The following TMEM132D variants were observed in gnomAD, a reference collection of about 807,000 sequenced individuals.
TMEM132D encodes transmembrane protein 132D.
A neutral mutation model predicts 62.3 loss-of-function variants in TMEM132D; 21 were observed. The observed-to-expected ratio is 0.34, with a 90% CI of 0.24 to 0.49. TMEM132D has a LOEUF of 0.49. Among genes scored for constraint, TMEM132D ranks in the 20% least tolerant of loss-of-function variants. The pLI, the probability that TMEM132D is intolerant of heterozygous loss-of-function variation, is 0.99. For missense variants in TMEM132D, 1,346 were observed against 1,402.8 expected, an observed-to-expected ratio of 0.96 and a Z score of 0.65; for synonymous variants, 621 against 575.6, an observed-to-expected ratio of 1.08 and a Z score of -1.13.
intron 1 of TMEM132D, among the ~76,000 whole-genome samples, chr12:129,888,492 G>T (rs1405250758): frequency 6.6e-6 from 1 of 152,178 alleles, no homozygotes; most frequent in Non-Finnish European, 1.5e-5. Flanking sequence ...GAGGTCAGGA[G>T]TTCAAGACCA....
At chr12:129,517,804 T>C (rs893922638) in intron 3 of TMEM132D, among the ~76,000 whole-genome samples, 9 of 152,192 alleles carry the variant, frequency 5.9e-5, no homozygotes, top group African/African-American at 1.9e-4. Context: ...GTGGCAGGCA[T>C]GGTTGAATAA....
chr12:129,376,623 C>T (rs927242289), intron 3 of TMEM132D, among the ~76,000 whole-genome samples: 1 of 152,158 alleles, frequency 6.6e-6, no homozygotes, highest in Non-Finnish European at 1.5e-5. Context: ...TATGTGATGA[C>T]TTAGAGACAG....
At chr12:129,497,278 G>A (rs1260376622) in intron 3 of TMEM132D, among the ~76,000 whole-genome samples, 4 of 152,134 alleles carry the variant, frequency 2.6e-5, no homozygotes, top group Non-Finnish European at 4.4e-5. Flanking sequence ...ACTGCATTCC[G>A]GCCTGGGCAA....
Position 129,103,591 on chromosome 12 carries a change from C to T in TMEM132D, c.1444-18889G>A, listed in dbSNP as rs183530213. Among the ~76,000 whole-genome samples the T allele has an allele frequency of 6.9e-4, 105 of 152,326 alleles. 1 individual carries two copies. The highest frequency in any genetic ancestry group is 1.2e-3 in the Non-Finnish European group (83 of 68,032). On this transcript the variant is annotated intron_variant, in intron 5 of 8. Transcript: ENST00000422113. Reference sequence around the variant, plus strand: ...TATGCATCAGGTTCCAGAGTGTCACCCAGGCCTCTGCTTTCCCTCCTGACC... The same window carrying T: ...TATGCATCAGGTTCCAGAGTGTCACTCAGGCCTCTGCTTTCCCTCCTGACC...
chr12:129,465,706 A>T (rs772724478), intron 3 of TMEM132D, among the ~76,000 whole-genome samples: 34 of 152,162 alleles, frequency 2.2e-4, no homozygotes, highest in Non-Finnish European at 4.7e-4. Context: ...ATTTTATGAG[A>T]CAGTCTTGCT....
At chr12:129,517,026 C>T (rs1433283792) in intron 3 of TMEM132D, among the ~76,000 whole-genome samples, 1 of 152,148 alleles carries the variant, frequency 6.6e-6, no homozygotes, top group Non-Finnish European at 1.5e-5. Context: ...TTACATGGGA[C>T]CCATCAGATT....
intron 2 of TMEM132D, among the ~76,000 whole-genome samples, chr12:129,546,455 AC>A (rs1422441671): frequency 3.9e-5 from 6 of 152,140 alleles, no homozygotes; most frequent in Non-Finnish European, 8.8e-5. Flanking sequence ...CCTAAGCTAC[AC>A]CTGCATTCTC....
At chr12:129,606,511 A>G (rs531523080) in intron 2 of TMEM132D, among the ~76,000 whole-genome samples, 2 of 152,150 alleles carry the variant, frequency 1.3e-5, no homozygotes, top group Non-Finnish European at 2.9e-5. Flanking sequence ...TAACGTAGCA[A>G]CGATAAGGCT....
At chr12:129,216,233 G>C (rs920739397) in intron 4 of TMEM132D, among the ~76,000 whole-genome samples, 1 of 152,208 alleles carries the variant, frequency 6.6e-6, no homozygotes, top group African/African-American at 2.4e-5. Flanking sequence ...AGAGTGTTTA[G>C]AACAGCACCT....
intron 3 of TMEM132D, among the ~76,000 whole-genome samples, chr12:129,356,654 C>CAAAAAATAAATA (rs34719078): frequency 0.04 from 4,648 of 115,934 alleles, 219 homozygotes; most frequent in Admixed American, 0.058. Flanking sequence ...CCTGTCTCTA[C>CAAAAAATAAATA]AATAAATAAA....
intron 5 of TMEM132D, among the ~76,000 whole-genome samples, chr12:129,198,268 A>G (rs1023606825): frequency 1.3e-5 from 2 of 152,220 alleles, no homozygotes; most frequent in Non-Finnish European, 2.9e-5. Context: ...GTTACTCGAA[A>G]AACTAAAATA....
chr12:129,624,754 T>A (rs542642938), intron 2 of TMEM132D, among the ~76,000 whole-genome samples: 2 of 151,764 alleles, frequency 1.3e-5, no homozygotes, highest in African/African-American at 4.8e-5. Flanking sequence ...CAGGGCAGAG[T>A]GAACCAGACA....
intron 1 of TMEM132D, among the ~76,000 whole-genome samples, chr12:129,838,922 GT>G (rs1382354048): frequency 6.7e-6 from 1 of 150,272 alleles, no homozygotes; most frequent in Admixed American, 6.6e-5. Context: ...TTGGAGGTCA[GT>G]TAAGAATAGG....
At chr12:129,890,935 A>G (rs796913980) in intron 1 of TMEM132D, among the ~76,000 whole-genome samples, 1 of 152,324 alleles carries the variant, frequency 6.6e-6, no homozygotes, top group African/African-American at 2.4e-5. Context: ...AGTTTCATGC[A>G]GGCATTAAGG....
At chr12:129,075,137 C>A in intron 8 of TMEM132D, 78 bp from the exon 9 acceptor site, 2 of 1,180,980 alleles carry the variant, frequency 1.7e-6, no homozygotes, top group East Asian at 2.4e-5. Flanking sequence ...AGTAGACACA[C>A]AACGGCAAAA....
intron 1 of TMEM132D, among the ~76,000 whole-genome samples, chr12:129,851,929 T>C (rs766698709): frequency 4.6e-5 from 7 of 152,234 alleles, no homozygotes; most frequent in Admixed American, 3.3e-4. Flanking sequence ...TGTAAAACCT[T>C]ATTTTGAATT....
intron 2 of TMEM132D, among the ~76,000 whole-genome samples, chr12:129,553,137 C>T (rs1216155321): frequency 2.6e-5 from 4 of 152,266 alleles, no homozygotes; most frequent in Admixed American, 1.3e-4. Flanking sequence ...GAGTGTTGCG[C>T]GTTTGCTCCC....
At chr12:129,698,937 C>T (rs962290185) in intron 2 of TMEM132D, among the ~76,000 whole-genome samples, 1 of 152,078 alleles carries the variant, frequency 6.6e-6, no homozygotes, top group East Asian at 1.9e-4. Flanking sequence ...CATACAGTTA[C>T]ACTCCTCATT....
intron 2 of TMEM132D, among the ~76,000 whole-genome samples, chr12:129,538,846 G>A (rs1470343610): frequency 1.3e-5 from 2 of 151,670 alleles, no homozygotes; most frequent in East Asian, 2.0e-4. Context: ...GTCAGAAGGA[G>A]CGTTGGCTAC....
Sources: gnomAD v4.1 joint callset for allele counts (sites outside exome capture counted in the v4.1 genomes callset) on GRCh38, gnomAD v4.1.1 for gene constraint, MANE v1.5 for transcripts, NCBI Gene and HGNC (gene_info 2026-07-23, HGNC 2026-07-21) for gene names.